RBFOX1: variants seen among roughly 807,000 people sequenced by gnomAD.
RBFOX1 encodes RNA binding fox-1 homolog 1.
RBFOX1 carries 8 observed loss-of-function variants against 57.7 expected under a neutral mutation model. The ratio of observed to expected loss-of-function variants is 0.14; its 90% confidence interval spans 0.08 to 0.25. The LOEUF (loss-of-function observed/expected upper bound fraction) is 0.25. Ranked by LOEUF, RBFOX1 falls within the 10% of genes least tolerant of loss-of-function variation. The pLI is 1.00. For missense variants in RBFOX1, 611 were observed against 548.5 expected, an observed-to-expected ratio of 1.11 and a Z score of -1.14; for synonymous variants, 326 against 222.4, an observed-to-expected ratio of 1.47 and a Z score of -4.15.
At chr16:6,685,588 A>T (rs1408432958) in intron 3 of RBFOX1, among the ~76,000 whole-genome samples, 1 of 151,962 alleles carries the variant, frequency 6.6e-6, no homozygotes, top group Non-Finnish European at 1.5e-5. Context: ...GTGTCTGGCC[A>T]AGAGTTTCAT....
In RBFOX1 at chr16:6,184,725, C is replaced by CT. The variant is rs1483486433; in HGVS notation, c.-126-132270_-126-132269insT. ...CAGGTGGCTGCCACCATGCCTGGCT[C>CT]ATTTTTTTTTTTTTTGTATTTTTAG... is the stretch of plus-strand genomic sequence containing the variant. On this transcript the variant is annotated intron_variant, in intron 1 of 15. Coordinates refer to ENST00000550418, the MANE Select transcript of RBFOX1 (RefSeq NM_018723.4). 3.0e-4 allele frequency among the ~76,000 whole-genome samples: 34 copies of CT among 113,810 alleles called. No homozygotes were observed. In the East Asian group the frequency reaches 0.01, roughly 34 times the overall value. The allele number at this position is 113,810 out of a possible 152,430, so 74.7% of individuals were successfully genotyped here. A position where few individuals can be genotyped will look rare whatever the true frequency, so the allele number is the denominator to read the frequency against.
At chr16:6,141,784 CTT>C (rs2096717918) in intron 1 of RBFOX1, among the ~76,000 whole-genome samples, 1 of 152,168 alleles carries the variant, frequency 6.6e-6, no homozygotes, top group Non-Finnish European at 1.5e-5. Context: ...TGAAAGAACT[CTT>C]TTTTAAAAAT....
At chr16:5,346,286 T>G (rs1410454175) in intron 1 of RBFOX1, among the ~76,000 whole-genome samples, 1 of 152,124 alleles carries the variant, frequency 6.6e-6, no homozygotes, top group African/African-American at 2.4e-5. Flanking sequence ...AGAGCTGTGG[T>G]GAGAATGACT....
chr16:6,001,527 T>A (rs997997672), intron 4 of RBFOX1, among the ~76,000 whole-genome samples: 2 of 152,084 alleles, frequency 1.3e-5, no homozygotes, highest in African/African-American at 4.8e-5. Flanking sequence ...AACTCCAGAG[T>A]CCATGCTTTT....
At chr16:5,817,635 G>C (rs938470386) in intron 3 of RBFOX1, among the ~76,000 whole-genome samples, 6 of 151,998 alleles carry the variant, frequency 3.9e-5, no homozygotes, top group African/African-American at 1.4e-4. Flanking sequence ...GAGAGAAAGG[G>C]GTTCATGAAG....
At chr16:5,932,720 G>C (rs891542476) in intron 4 of RBFOX1, among the ~76,000 whole-genome samples, 9 of 152,204 alleles carry the variant, frequency 5.9e-5, no homozygotes, top group African/African-American at 2.2e-4. Context: ...CTCTGGTCTT[G>C]TTTACGTGCA....
At chr16:5,961,833 T>C (rs2059756074) in intron 4 of RBFOX1, among the ~76,000 whole-genome samples, 1 of 152,216 alleles carries the variant, frequency 6.6e-6, no homozygotes, top group South Asian at 2.1e-4. Context: ...CCGCCTCCCC[T>C]TGTTCTCTAA....
At chr16:6,431,896 G>GCTTGCTTGCTTGCTTTCTTT (rs1491277692) in intron 2 of RBFOX1, among the ~76,000 whole-genome samples, 95 of 128,176 alleles carry the variant, frequency 7.4e-4, no homozygotes, top group African/African-American at 1.2e-3. Flanking sequence ...TTGCTTGCTT[G>GCTTGCTTGCTTGCTTTCTTT]CTTTCTTTCT....
At chr16:7,086,462 C>T (rs955971163) in intron 4 of RBFOX1, among the ~76,000 whole-genome samples, 2 of 152,116 alleles carry the variant, frequency 1.3e-5, no homozygotes, top group South Asian at 4.2e-4. Flanking sequence ...AATTGCATTC[C>T]CCATCCTCTC....
chr16:6,366,615 C>G (rs1263293897), intron 2 of RBFOX1, among the ~76,000 whole-genome samples: 1 of 152,184 alleles, frequency 6.6e-6, no homozygotes, highest in Non-Finnish European at 1.5e-5. Context: ...CAAATAATAA[C>G]TACTTACCAT....
At chr16:7,707,765 T>G (rs531091057) in intron 14 of RBFOX1, among the ~76,000 whole-genome samples, 1 of 152,290 alleles carries the variant, frequency 6.6e-6, no homozygotes, top group East Asian at 1.9e-4. Flanking sequence ...GAACCTGCTG[T>G]AGCATGAAAC....
intron 3 of RBFOX1, among the ~76,000 whole-genome samples, chr16:6,868,162 A>T (rs1384100470): frequency 2.6e-5 from 4 of 152,028 alleles, no homozygotes; most frequent in Non-Finnish European, 5.9e-5. Flanking sequence ...TTATTCCTAT[A>T]TTTTTTTTCA....
chr16:7,322,702 G>A (rs527916572), intron 4 of RBFOX1, among the ~76,000 whole-genome samples: 32 of 152,282 alleles, frequency 2.1e-4, no homozygotes, highest in Non-Finnish European at 2.2e-4. Context: ...TTGAGGAACC[G>A]CAGTTTCACC....
intron 4 of RBFOX1, among the ~76,000 whole-genome samples, chr16:6,012,099 C>T (rs946841435): frequency 4.6e-5 from 7 of 152,296 alleles, no homozygotes; most frequent in African/African-American, 9.6e-5. Flanking sequence ...TTAATTCTCC[C>T]GACAATGCTG....
intron 11 of RBFOX1, among the ~76,000 whole-genome samples, chr16:7,641,324 G>A (rs984618438): frequency 1.3e-5 from 2 of 152,188 alleles, no homozygotes; most frequent in African/African-American, 4.8e-5. Context: ...AGAGCCTGGT[G>A]TAGTTCATAT....
At chr16:7,251,144 A>T (rs1307565143) in intron 4 of RBFOX1, among the ~76,000 whole-genome samples, 1 of 152,114 alleles carries the variant, frequency 6.6e-6, no homozygotes. Context: ...GTATCCATTC[A>T]CCAACATCTC....
chr16:5,454,774 T>TTTCTCG (rs1567534334), intron 1 of RBFOX1, among the ~76,000 whole-genome samples: 4 of 36,624 alleles, frequency 1.1e-4, no homozygotes, highest in African/African-American at 4.9e-4. Context: ...TTTCTCTTTC[T>TTTCTCG]TTCTTTCTTT....
At chr16:5,598,196 G>T (rs1488018225) in intron 2 of RBFOX1, among the ~76,000 whole-genome samples, 6 of 151,228 alleles carry the variant, frequency 4.0e-5, no homozygotes, top group Non-Finnish European at 7.4e-5. Context: ...AACTTGGGAG[G>T]TTGAGTGACA....
At chr16:7,401,207 T>C (rs1314337365) in intron 4 of RBFOX1, among the ~76,000 whole-genome samples, 1 of 152,220 alleles carries the variant, frequency 6.6e-6, no homozygotes, top group Non-Finnish European at 1.5e-5. Context: ...CATCACACAG[T>C]AGTTGGCGTA....
Sources: gnomAD v4.1 joint callset for allele counts (sites outside exome capture counted in the v4.1 genomes callset) on GRCh38, gnomAD v4.1.1 for gene constraint, MANE v1.5 for transcripts, NCBI Gene and HGNC (gene_info 2026-07-23, HGNC 2026-07-21) for gene names.